CERS2: variants seen among roughly 807,000 people sequenced by gnomAD.
CERS2 encodes the protein LAG1 homolog, ceramide synthase 2.
Under a neutral mutation model 56.6 loss-of-function variants are expected in CERS2, and 20 were observed. The ratio of observed to expected loss-of-function variants is 0.35; its 90% confidence interval spans 0.25 to 0.51. The LOEUF (loss-of-function observed/expected upper bound fraction) is 0.51. CERS2 is among the 20% of genes least tolerant of loss of function. The pLI is 0.96. For missense variants in CERS2, 361 were observed against 488.6 expected (o/e 0.74, Z 2.46); for synonymous variants, 187 against 175.4 (o/e 1.07, Z -0.52).
In CERS2 at chr1:150,966,242, T is replaced by C; in HGVS notation, c.1049A>G (p.Glu350Gly). ...TCCCCCAGCTGCAGCCTCCTCCCCC[T>C]CTGAGCTCTCTGTTTCTTCCCGGTC... ...RSDREETESS[E>G]GEEAAAGGGA... is the part of the protein sequence containing the mutation. The change falls in exon 11 of 11, where the codon GAG (glutamate) becomes GGG (glycine). Residue 350 changes from glutamate to glycine, a missense_variant. By Grantham distance (98) the Glu-to-Gly change is moderately conservative. Around this residue, in one of 3 missense-constraint regions of CERS2, gnomAD observed 122 missense variants for 151.9 expected, o/e 0.80. Coordinates refer to ENST00000368954, the MANE Select transcript of CERS2 (RefSeq NM_022075.5). 6.2e-7 allele frequency: 1 copy of C among 1,610,206 alleles called. No homozygotes were observed. Among genetic ancestry groups the C allele is most frequent in the Non-Finnish European group, 8.5e-7 (1 of 1,178,966 alleles).
intron 9 of CERS2, 22 bp from the exon 10 acceptor site, chr1:150,966,651 G>C: frequency 6.2e-7 from 1 of 1,613,534 alleles, no homozygotes; most frequent in African/African-American, 1.3e-5. Flanking sequence ...AGGAGAGAGA[G>C]AACGTGGACA....
chr1:150,971,106 A>T (rs1225164865), intron 1 of CERS2, among the ~76,000 whole-genome samples: 3 of 152,248 alleles, frequency 2.0e-5, no homozygotes, highest in Admixed American at 6.5e-5. Context: ...CCTAGGACTC[A>T]GCAAGAAGCC....
Position 150,967,164 on chromosome 1 carries a change from G to C in CERS2, c.651C>G (p.Ile217Met), listed in dbSNP as rs1571672339. The change falls in exon 8 of 11, where the codon ATC becomes ATG. Residue 217 changes from isoleucine (I) to methionine (M), a missense_variant. By Grantham distance (10) the Ile-to-Met change is conservative (BLOSUM62 1). Around this residue, in one of 3 missense-constraint regions of CERS2, gnomAD observed 236 missense variants for 309.2 expected, o/e 0.76. Coordinates refer to ENST00000368954, the MANE Select transcript of CERS2 (RefSeq NM_022075.5). ...KEQIIHHVATIILISFSWFAN... is the reference protein window; with the variant it reads ...KEQIIHHVATMILISFSWFAN... ...CAAACCAGGAAAAGCTGATGAGAAT[G>C]ATGGTGGCCACATGGTGGATGATCT... The C allele has an allele frequency of 1.2e-6, 2 of 1,613,756 alleles. No homozygotes were observed. Among genetic ancestry groups the C allele is most frequent in the African/African-American group, 2.7e-5 (2 of 75,032 alleles).
intron 1 of CERS2, chr1:150,973,109 C>T (rs1297411050): frequency 6.6e-6 from 1 of 152,236 alleles, no homozygotes; most frequent in East Asian, 1.9e-4. Context: ...TGAAAACTTT[C>T]AGGCAACAGA....
chr1:150,966,769 T>C lies in CERS2; in HGVS notation c.835A>G (p.Ile279Val). The change falls in exon 9 of 11, where the codon ATC becomes GTC. Residue 279 changes from isoleucine to valine, a missense_variant. Transcript: ENST00000368954. ...AIVFIITRLV[I>V]LPFWILHCTL... is the part of the protein sequence containing the mutation. ...CTGCCTACTCACCAGAAGGGCAGGA[T>C]GACCAGTCGGGTGATGATAAAAACA... is the stretch of plus-strand genomic sequence containing the variant. 6.2e-7 allele frequency: 1 copy of C among 1,613,668 alleles called. No individual in the cohort carries two copies. Among genetic ancestry groups the C allele is most frequent in the Non-Finnish European group, 8.5e-7 (1 of 1,179,598 alleles).
intron 1 of CERS2, among the ~76,000 whole-genome samples, chr1:150,969,653 C>A (rs752991): frequency 6.6e-6 from 1 of 151,788 alleles, no homozygotes; most frequent in Admixed American, 6.6e-5. Context: ...GTCCTTACAA[C>A]CTCTGATTTC....
chr1:150,974,560 C>T (rs1671272304), intron 1 of CERS2, 59 bp downstream of exon 1: 6 of 149,452 alleles, frequency 4.0e-5, no homozygotes, highest in Admixed American at 3.3e-4. Context: ...CCCAACTTTT[C>T]CGCAGCCCCT....
chr1:150,966,002 TG>T lies in CERS2; in HGVS notation c.*145del. ...GGTTAGAATTTGGTTTAAAGGCAAC[TG>T]GGTGACAAGCAAGGAGGGAGGATGC... On this transcript the variant is annotated 3_prime_UTR_variant, in exon 11 of 11. Transcript: ENST00000368954. 4 of 869,644 alleles carry T rather than the reference TG, an allele frequency of 4.6e-6. No individual in the cohort carries two copies. The highest frequency in any genetic ancestry group is 6.9e-6 in the Non-Finnish European group (4 of 582,836). 53.9% of individuals were successfully genotyped at this position (869,644 alleles called of 1,614,324 possible).
At chr1:150,971,502 G>A (rs1426933122) in intron 1 of CERS2, among the ~76,000 whole-genome samples, 1 of 151,992 alleles carries the variant, frequency 6.6e-6, no homozygotes, top group African/African-American at 2.4e-5. Context: ...CAGTAAAGGA[G>A]CTTCAGCTCC....
At position 150,968,433 on chromosome 1, in the gene CERS2, C is replaced by A; in HGVS notation, c.253G>T (p.Glu85Ter). 1 of 1,614,134 alleles carries A rather than the reference C, an allele frequency of 6.2e-7. No individual in the cohort carries two copies. Among genetic ancestry groups the A allele is most frequent in the Middle Eastern group, 1.7e-4 (1 of 6,060 alleles). ...TTGCCACTGGTCAGGTAGAAATGTT[C>A]CAAGGTGGCGTTGGGAGGTGCCCGC... ...RLRAPPNATL[E>*]HFYLTSGKQP... The change falls in exon 3 of 11, where the codon GAA becomes TAA. Residue 85 changes from glutamate to a stop codon, truncating the protein, a stop_gained. Coordinates refer to ENST00000368954, the MANE Select transcript of CERS2 (RefSeq NM_022075.5). LOFTEE classifies it high-confidence loss of function.
chr1:150,965,869 G>T lies in CERS2; in HGVS notation c.*279C>A. 2.8e-6 allele frequency: 1 copy of T among 362,060 alleles called. No individual in the cohort carries two copies. The allele number at this position is 362,060 out of a possible 1,614,324, so 22.4% of individuals were successfully genotyped here. A position where few individuals can be genotyped will look rare whatever the true frequency, so the allele number is the denominator to read the frequency against. On this transcript the variant is annotated 3_prime_UTR_variant, in exon 11 of 11. Coordinates refer to ENST00000368954, the MANE Select transcript of CERS2 (RefSeq NM_022075.5). Reference sequence around the variant, plus strand: ...TAACCCCTACCCACAGAGAGCTGAGGGAGGGCCTCAAAAGCAGTAGAAAGG... The same window carrying T: ...TAACCCCTACCCACAGAGAGCTGAGTGAGGGCCTCAAAAGCAGTAGAAAGG...
intron 10 of CERS2, 48 bp from the exon 11 acceptor site, chr1:150,966,336 C>G (rs188189438): frequency 6.2e-7 from 1 of 1,604,498 alleles, no homozygotes; most frequent in Non-Finnish European, 8.5e-7. Flanking sequence ...CCTCAAACCC[C>G]TAAGTACTGC....
At position 150,973,699 on chromosome 1, in the gene CERS2, G is replaced by A. The variant is rs587659014; in HGVS notation, c.-2+920C>T. ...CGCCACCCACCCCTGCCCCAGCACAGATATGGGGGTGACTGCCTGCTGGAG... is the reference window on the plus strand; with the variant it reads ...CGCCACCCACCCCTGCCCCAGCACAAATATGGGGGTGACTGCCTGCTGGAG... On this transcript the variant is annotated intron_variant, in intron 1 of 10. Transcript: ENST00000368954. 4.6e-5 allele frequency among the ~76,000 whole-genome samples: 7 copies of A among 152,354 alleles called. No individual in the cohort carries two copies. The South Asian group carries it at 1.2e-3, about 27-fold the overall frequency.
chr1:150,974,362 G>A (rs942591869), intron 1 of CERS2: 101 of 150,476 alleles, frequency 6.7e-4, no homozygotes, highest in African/African-American at 2.4e-3. Context: ...GCGCTGCCGC[G>A]GACACCGCGG....
At position 150,968,898 on chromosome 1, in the gene CERS2, G is replaced by A. The variant is rs1439856642; in HGVS notation, c.173+20C>T. ...CAACTGGCAACAGGGGAAGGCATGAGGGTAGGCTGGCATGCTTACAGCTCA... is the reference window on the plus strand; with the variant it reads ...CAACTGGCAACAGGGGAAGGCATGAAGGTAGGCTGGCATGCTTACAGCTCA... On this transcript the variant is annotated intron_variant, in intron 2 of 10. Transcript: ENST00000368954. The A allele has an allele frequency of 6.2e-7, 1 of 1,608,964 alleles. No individual in the cohort carries two copies. The highest frequency in any genetic ancestry group is 2.2e-5 in the East Asian group (1 of 44,834).
chr1:150,966,360 C>T (rs942413824), intron 10 of CERS2, 72 bp from the exon 11 acceptor site: 1 of 1,594,358 alleles, frequency 6.3e-7, no homozygotes, highest in African/African-American at 1.4e-5. Context: ...TCTCTGAGGG[C>T]TTGTTCCTGT....
intron 1 of CERS2, among the ~76,000 whole-genome samples, chr1:150,969,724 G>A (rs1457496894): frequency 6.6e-6 from 1 of 152,044 alleles, no homozygotes; most frequent in African/African-American, 2.4e-5. Flanking sequence ...TGCAAGACAG[G>A]CAGGACCTGG....
intron 9 of CERS2, 36 bp from the exon 10 acceptor site, chr1:150,966,665 G>A: frequency 6.2e-7 from 1 of 1,612,602 alleles, no homozygotes. Context: ...GTGGACAAGA[G>A]CAGGTCAGAC....
chr1:150,966,162 G>C lies in CERS2; in HGVS notation c.1129C>G (p.Arg377Gly). The C allele has an allele frequency of 6.2e-7, 1 of 1,609,434 alleles. No individual in the cohort carries two copies. Among genetic ancestry groups the C allele is most frequent in the Non-Finnish European group, 8.5e-7 (1 of 1,178,836 alleles). ...GGAGTAATGGTTCAGTCATTCTTAC[G>C]ATGGTTGTTATTGAGGATGGGGTGG... ...NGHPILNNNH[R>G]KND Residue 377 changes from arginine to glycine, a missense_variant, in exon 11 of 11, where the codon CGT becomes GGT. This residue lies in a region of CERS2 where 122 missense variants were observed against 151.9 expected (regional missense o/e 0.80). Transcript: ENST00000368954.
Sources: allele counts gnomAD v4.1 joint callset (sites outside exome capture counted in the v4.1 genomes callset), GRCh38; gene constraint gnomAD v4.1.1; regional missense constraint gnomAD v4.1.1; transcripts MANE v1.5; gene names NCBI Gene and HGNC (gene_info 2026-07-23, HGNC 2026-07-21).